The following HSD17B12 variants were observed in gnomAD, a reference collection of about 807,000 sequenced individuals.
HSD17B12 encodes hydroxysteroid 17-beta dehydrogenase 12.
A neutral mutation model predicts 39.3 loss-of-function variants in HSD17B12; 32 were observed. That is an observed-to-expected ratio of 0.81 (90% CI 0.61 to 1.09). The LOEUF is 1.09. Ranked by LOEUF, HSD17B12 falls within the 50% of genes least tolerant of loss-of-function variation. HSD17B12 has a pLI of 0.00. For synonymous variants in HSD17B12, 150 were observed against 146.7 expected (o/e 1.02, Z -0.16); for missense variants, 342 against 382.9 (o/e 0.89, Z 0.89).
At chr11:43,602,391 C>T in the HSD17B12 span, among the ~76,000 whole-genome samples, 1 of 152,160 alleles carries the variant, frequency 6.6e-6, no homozygotes, top group African/African-American at 2.4e-5. Context: ...CAGTGTGAAT[C>T]TATTGTACCA....
the HSD17B12 span, among the ~76,000 whole-genome samples, chr11:43,621,929 G>A: frequency 6.6e-6 from 1 of 152,078 alleles, no homozygotes; most frequent in Admixed American, 6.6e-5. Context: ...TTCTGAAATT[G>A]AGGCTGCACT....
intron 9 of HSD17B12, among the ~76,000 whole-genome samples, chr11:43,844,284 T>G (rs1189877854): frequency 2.6e-5 from 4 of 152,220 alleles, no homozygotes; most frequent in African/African-American, 7.2e-5. Flanking sequence ...TCCCCATCTT[T>G]CCCTCAACTT....
intron 4 of HSD17B12, among the ~76,000 whole-genome samples, chr11:43,815,039 C>T (rs1291609520): frequency 6.6e-6 from 1 of 152,144 alleles, no homozygotes; most frequent in Non-Finnish European, 1.5e-5. Context: ...AACTAGAACT[C>T]AAGTTTTCAG....
the HSD17B12 span, among the ~76,000 whole-genome samples, chr11:43,564,470 T>C: frequency 3.3e-5 from 5 of 152,130 alleles, no homozygotes; most frequent in Non-Finnish European, 7.3e-5. Context: ...AGCTAGAGGG[T>C]TTTTCCTACT....
chr11:43,680,645 G>C (rs1949732995), upstream of HSD17B12: 4 of 619,846 alleles, frequency 6.5e-6, no homozygotes, highest in Non-Finnish European at 1.2e-5. Flanking sequence ...CGCACTACGC[G>C]CAGAGGGAAA....
the HSD17B12 span, among the ~76,000 whole-genome samples, chr11:43,602,046 T>C: frequency 6.6e-6 from 1 of 152,210 alleles, no homozygotes; most frequent in East Asian, 1.9e-4. Flanking sequence ...ACTTTGCTGT[T>C]ATTTCACTAG....
intron 3 of HSD17B12, among the ~76,000 whole-genome samples, chr11:43,781,572 A>G (rs1422743334): frequency 1.3e-5 from 2 of 152,194 alleles, no homozygotes; most frequent in African/African-American, 2.4e-5. Context: ...AAGAAAACCA[A>G]AAATGCTTAT....
chr11:43,667,284 T>C, the HSD17B12 span, among the ~76,000 whole-genome samples: 5 of 152,108 alleles, frequency 3.3e-5, no homozygotes, highest in Non-Finnish European at 7.4e-5. Flanking sequence ...CCTAAGTAAC[T>C]GGGATTACAG....
intron 3 of HSD17B12, among the ~76,000 whole-genome samples, chr11:43,763,604 G>A (rs1248353033): frequency 1.5e-5 from 2 of 133,644 alleles, no homozygotes; most frequent in Non-Finnish European, 1.6e-5. Flanking sequence ...ATATATATAA[G>A]GTTATCTTAT....
At chr11:43,822,720 C>A (rs1025954006) in intron 6 of HSD17B12, among the ~76,000 whole-genome samples, 14 of 152,138 alleles carry the variant, frequency 9.2e-5, no homozygotes, top group African/African-American at 2.4e-5. Context: ...TTTTCTTAAT[C>A]CAGTCTATCA....
intron 3 of HSD17B12, among the ~76,000 whole-genome samples, chr11:43,763,348 A>G (rs1288982870): frequency 6.6e-6 from 1 of 152,090 alleles, no homozygotes; most frequent in African/African-American, 2.4e-5. Context: ...TCATTCAACA[A>G]CATGACAAAA....
the HSD17B12 span, among the ~76,000 whole-genome samples, chr11:43,572,367 C>A: frequency 2.0e-5 from 3 of 152,106 alleles, no homozygotes; most frequent in African/African-American, 7.2e-5. Context: ...AGATCAGTCT[C>A]GTTATTCAGA....
the HSD17B12 span, among the ~76,000 whole-genome samples, chr11:43,622,410 T>C: frequency 5.3e-5 from 8 of 152,050 alleles, no homozygotes; most frequent in African/African-American, 1.7e-4. Context: ...GTGTGGGCAA[T>C]TAAAGCAAGA....
At chr11:43,565,153 GC>G in the HSD17B12 span, among the ~76,000 whole-genome samples, 1 of 152,152 alleles carries the variant, frequency 6.6e-6, no homozygotes, top group Non-Finnish European at 1.5e-5. Context: ...ACCTGCGTTG[GC>G]CTCCCAAAGT....
intron 6 of HSD17B12, among the ~76,000 whole-genome samples, chr11:43,821,467 T>C (rs1951182322): frequency 6.6e-6 from 1 of 152,212 alleles, no homozygotes; most frequent in Non-Finnish European, 1.5e-5. Flanking sequence ...GACTAAAATC[T>C]AAGATACATC....
At chr11:43,665,343 T>C in the HSD17B12 span, among the ~76,000 whole-genome samples, 2 of 152,134 alleles carry the variant, frequency 1.3e-5, no homozygotes, top group Non-Finnish European at 2.9e-5. Flanking sequence ...CTCAGCCTCC[T>C]GAGTAGCTGG....
chr11:43,637,431 G>A, the HSD17B12 span, among the ~76,000 whole-genome samples: 1 of 152,058 alleles, frequency 6.6e-6, no homozygotes, highest in African/African-American at 2.4e-5. Flanking sequence ...ATGTTGGTCA[G>A]GCTGGTCTCG....
intron 1 of HSD17B12, among the ~76,000 whole-genome samples, chr11:43,729,023 A>T (rs1453731418): frequency 1.3e-5 from 2 of 152,134 alleles, no homozygotes; most frequent in African/African-American, 4.8e-5. Context: ...TACATATTAT[A>T]ATGTATTTAG....
At chr11:43,698,260 A>C (rs1408429940) in intron 1 of HSD17B12, among the ~76,000 whole-genome samples, 1 of 152,166 alleles carries the variant, frequency 6.6e-6, no homozygotes, top group African/African-American at 2.4e-5. Flanking sequence ...GGAAGAAAAT[A>C]ATGAGGTTGA....
Sources: allele counts gnomAD v4.1 joint callset (sites outside exome capture counted in the v4.1 genomes callset), GRCh38; gene constraint gnomAD v4.1.1; transcripts MANE v1.5; gene names NCBI Gene and HGNC (gene_info 2026-07-23, HGNC 2026-07-21).